The following RBFOX1 variants were observed in gnomAD, a reference collection of about 807,000 sequenced individuals.
The protein encoded by RBFOX1 is RNA binding protein fox-1 homolog 1.
A neutral mutation model predicts 57.7 loss-of-function variants in RBFOX1; 8 were observed. That is an observed-to-expected ratio of 0.14 (90% confidence interval 0.08 to 0.25). RBFOX1 has a LOEUF of 0.25. Among genes scored for constraint, RBFOX1 ranks in the 10% least tolerant of loss-of-function variants. RBFOX1 has a pLI of 1.00. For synonymous variants in RBFOX1, 326 were observed against 222.4 expected, an observed-to-expected ratio of 1.47 and a Z score of -4.15; for missense variants, 611 against 548.5, an observed-to-expected ratio of 1.11 and a Z score of -1.14.
At chr16:7,086,168 G>A (rs1028386484) in intron 4 of RBFOX1, among the ~76,000 whole-genome samples, 7 of 152,112 alleles carry the variant, frequency 4.6e-5, no homozygotes, top group South Asian at 2.1e-4. Context: ...CTCGCCACCC[G>A]TCTCATGCTG....
rs1256492688 is a variant in RBFOX1, at chr16:7,713,214, A to G, written c.*2469A>G. 1.3e-5 allele frequency: 2 copies of G among 152,240 alleles called. No homozygotes were observed. The highest frequency in any genetic ancestry group is 6.5e-5 in the Admixed American group (1 of 15,288). 9.4% of individuals were successfully genotyped at this position (152,240 alleles called of 1,614,324 possible). A position where few individuals can be genotyped will look rare whatever the true frequency, so the allele number is the denominator to read the frequency against. ...GACTTCTTAACACACACATCACGCA[A>G]TCTGCAAACCCAGAAAATGTGTATA... On this transcript the variant is annotated 3_prime_UTR_variant, in exon 16 of 16. Coordinates refer to ENST00000550418, the MANE Select transcript of RBFOX1 (RefSeq NM_018723.4).
chr16:6,322,306 A>T (rs1401361575), intron 2 of RBFOX1, among the ~76,000 whole-genome samples: 1 of 152,208 alleles, frequency 6.6e-6, no homozygotes, highest in Non-Finnish European at 1.5e-5. Context: ...GAATAAGCTC[A>T]TCCTTACCTA....
At chr16:7,107,057 A>C (rs1193333902) in intron 4 of RBFOX1, among the ~76,000 whole-genome samples, 1 of 152,034 alleles carries the variant, frequency 6.6e-6, no homozygotes, top group African/African-American at 2.4e-5. Context: ...CTATGATGTC[A>C]GGAAATACTT....
chr16:7,124,793 A>T (rs560363280), intron 4 of RBFOX1, among the ~76,000 whole-genome samples: 1 of 152,186 alleles, frequency 6.6e-6, no homozygotes, highest in East Asian at 1.9e-4. Flanking sequence ...CAATGAAAAC[A>T]GACAGCCAGT....
intron 3 of RBFOX1, among the ~76,000 whole-genome samples, chr16:5,666,013 C>G (rs2049833100): frequency 6.6e-6 from 1 of 152,240 alleles, no homozygotes; most frequent in Non-Finnish European, 1.5e-5. Context: ...CTGCCACCCA[C>G]TCAAACCAGT....
At chr16:6,106,310 A>AT (rs1247008156) in intron 1 of RBFOX1, among the ~76,000 whole-genome samples, 5 of 151,148 alleles carry the variant, frequency 3.3e-5, no homozygotes, top group Admixed American at 1.3e-4. Context: ...ATACAAAAAA[A>AT]ATTAGTCAGG....
intron 4 of RBFOX1, among the ~76,000 whole-genome samples, chr16:5,896,795 G>C (rs1300894928): frequency 1.3e-5 from 2 of 151,994 alleles, no homozygotes. Flanking sequence ...TTAGTATGTG[G>C]CATCCAGTGT....
At chr16:7,201,452 C>CT (rs71147669) in intron 4 of RBFOX1, among the ~76,000 whole-genome samples, 1,592 of 146,070 alleles carry the variant, frequency 0.011, 18 homozygotes, top group Non-Finnish European at 0.017. Flanking sequence ...CGATCTGATT[C>CT]TTTTTTTTTT....
chr16:6,803,824 A>G (rs889023439), intron 3 of RBFOX1, among the ~76,000 whole-genome samples: 6 of 152,146 alleles, frequency 3.9e-5, no homozygotes, highest in Non-Finnish European at 8.8e-5. Flanking sequence ...CACAGGCTAC[A>G]TTTCTAATTT....
At chr16:7,590,121 G>T (rs2094363058) in intron 7 of RBFOX1, among the ~76,000 whole-genome samples, 1 of 151,934 alleles carries the variant, frequency 6.6e-6, no homozygotes, top group African/African-American at 2.4e-5. Context: ...TTTAAAATTA[G>T]CTGGGCATGG....
intron 1 of RBFOX1, among the ~76,000 whole-genome samples, chr16:6,261,996 T>G (rs1482823272): frequency 6.6e-6 from 1 of 151,654 alleles, no homozygotes; most frequent in Non-Finnish European, 1.5e-5. Flanking sequence ...ACCATCGTAC[T>G]CCAGCCTGGG....
intron 3 of RBFOX1, among the ~76,000 whole-genome samples, chr16:6,796,536 G>T (rs984394960): frequency 1.3e-5 from 2 of 152,134 alleles, no homozygotes; most frequent in African/African-American, 4.8e-5. Context: ...AATAGATGTT[G>T]TCTATGAATT....
At chr16:5,442,092 G>C (rs1171428719) in intron 1 of RBFOX1, among the ~76,000 whole-genome samples, 1 of 152,134 alleles carries the variant, frequency 6.6e-6, no homozygotes, top group Non-Finnish European at 1.5e-5. Context: ...GCTAGAAGTA[G>C]GCAGGGAATA....
Position 5,806,145 on chromosome 16 carries a change from A to G in RBFOX1, c.319-61158A>G, listed in dbSNP as rs185130586. On this transcript the variant is annotated intron_variant, in intron 3 of 19. Transcript: ENST00000641259. ...AGACCTGCCTTCCCTGTTACCTACAATTCAGTTCTCTCATTTTCTGTCTTT... is the reference window on the plus strand; with the variant it reads ...AGACCTGCCTTCCCTGTTACCTACAGTTCAGTTCTCTCATTTTCTGTCTTT... Among the ~76,000 whole-genome samples the G allele has an allele frequency of 3.8e-3, 584 of 152,262 alleles. 5 individuals carry two copies. Among genetic ancestry groups the G allele is most frequent in the South Asian group, 6.6e-3 (32 of 4,816 alleles).
chr16:5,650,295 C>T (rs1028234757), intron 3 of RBFOX1, among the ~76,000 whole-genome samples: 1 of 151,884 alleles, frequency 6.6e-6, no homozygotes, highest in Non-Finnish European at 1.5e-5. Flanking sequence ...CTCTCAGCCA[C>T]ACTCCTCGTC....
intron 2 of RBFOX1, among the ~76,000 whole-genome samples, chr16:5,479,050 G>T (rs2069429549): frequency 6.6e-6 from 1 of 152,132 alleles, no homozygotes; most frequent in African/African-American, 2.4e-5. Flanking sequence ...ATTTGAACTT[G>T]CCATCTGTTC....
chr16:7,496,026 T>A (rs1468786655), intron 4 of RBFOX1, among the ~76,000 whole-genome samples: 6 of 152,218 alleles, frequency 3.9e-5, no homozygotes, highest in Admixed American at 2.0e-4. Context: ...TCCAGAGAGA[T>A]CCTACAGAAC....
chr16:5,577,478 T>A (rs2046502643), intron 2 of RBFOX1, among the ~76,000 whole-genome samples: 1 of 152,198 alleles, frequency 6.6e-6, no homozygotes, highest in African/African-American at 2.4e-5. Flanking sequence ...AATGAACACC[T>A]GTGAGCTTTT....
intron 2 of RBFOX1, among the ~76,000 whole-genome samples, chr16:6,562,379 CTG>C (rs1404081687): frequency 6.6e-6 from 1 of 152,220 alleles, no homozygotes; most frequent in Admixed American, 6.5e-5. Context: ...TATCCATAAA[CTG>C]TGTATCACTC....
Sources: allele counts gnomAD v4.1 joint callset (sites outside exome capture counted in the v4.1 genomes callset), GRCh38; gene constraint gnomAD v4.1.1; transcripts MANE v1.5; gene names NCBI Gene and HGNC (gene_info 2026-07-23, HGNC 2026-07-21).